PBX1: variants seen among roughly 807,000 people sequenced by gnomAD.
PBX1 encodes the protein pre-B-cell leukemia transcription factor 1.
A neutral mutation model predicts 53.4 loss-of-function variants in PBX1; 6 were observed. The observed-to-expected ratio is 0.11, with a 90% CI of 0.06 to 0.22. PBX1 has a LOEUF of 0.22. Ranked by LOEUF, PBX1 falls within the 10% of genes least tolerant of loss-of-function variation. PBX1 has a pLI of 1.00. For synonymous variants in PBX1, 204 were observed against 212.3 expected (o/e 0.96, Z 0.34); for missense variants, 251 against 551.4 (o/e 0.46, Z 5.46).
chr1:164,620,776 G>A (rs998948791), intron 2 of PBX1, among the ~76,000 whole-genome samples: 2 of 151,694 alleles, frequency 1.3e-5, no homozygotes, highest in African/African-American at 4.9e-5. Context: ...TCTGCCTCCC[G>A]GGCTTAAGCG....
chr1:164,575,365 A>G (rs1010103237), intron 2 of PBX1, among the ~76,000 whole-genome samples: 1 of 152,320 alleles, frequency 6.6e-6, no homozygotes, highest in East Asian at 1.9e-4. Context: ...AGTTTCCCTA[A>G]GAAAGTGTGG....
At chr1:164,698,446 TTGAG>T (rs1344752347) in intron 2 of PBX1, among the ~76,000 whole-genome samples, 7 of 152,154 alleles carry the variant, frequency 4.6e-5, no homozygotes, top group Admixed American at 3.9e-4. Context: ...TTTGACGGTG[TTGAG>T]TGAGAAATTT....
At chr1:164,737,548 A>G (rs1273093762) in intron 2 of PBX1, among the ~76,000 whole-genome samples, 1 of 150,884 alleles carries the variant, frequency 6.6e-6, no homozygotes, top group Non-Finnish European at 1.5e-5. Context: ...GCATGATCTC[A>G]GCTCACTGCA....
At chr1:164,611,533 C>T (rs1483440084) in intron 2 of PBX1, among the ~76,000 whole-genome samples, 1 of 152,146 alleles carries the variant, frequency 6.6e-6, no homozygotes, top group Non-Finnish European at 1.5e-5. Context: ...CCACCGCGCC[C>T]GGCCTTCTGT....
chr1:164,833,806 G>A (rs1179974437), intron 8 of PBX1, among the ~76,000 whole-genome samples: 1 of 151,398 alleles, frequency 6.6e-6, no homozygotes, highest in Admixed American at 6.6e-5. Flanking sequence ...TGGATTTTCT[G>A]CCTGCCTTGA....
chr1:164,563,218 ATGT>A lies in PBX1; in HGVS notation c.192-15_192-13del, dbSNP rs747572336. On this transcript the variant is annotated splice_polypyrimidine_tract_variant and intron_variant, in intron 1 of 8. Coordinates refer to ENST00000420696, the MANE Select transcript of PBX1 (RefSeq NM_002585.4). Reference sequence around the variant, plus strand: ...ATCTTGAGAGTCCACCTAAGCTATCATGTTGTTTCTTTCTTGCAGAAAACATGC... The same window carrying A: ...ATCTTGAGAGTCCACCTAAGCTATCATGTTTCTTTCTTGCAGAAAACATGC... The A allele has an allele frequency of 1.3e-5, 21 of 1,580,868 alleles. No homozygotes were observed. The highest frequency in any genetic ancestry group is 1.8e-5 in the Non-Finnish European group (21 of 1,151,824).
intron 2 of PBX1, among the ~76,000 whole-genome samples, chr1:164,714,276 A>G (rs989140035): frequency 6.6e-6 from 1 of 152,262 alleles, no homozygotes; most frequent in Non-Finnish European, 1.5e-5. Flanking sequence ...TCTTACATGT[A>G]TGATCTAGTT....
chr1:164,613,023 G>T (rs1657037192), intron 2 of PBX1, among the ~76,000 whole-genome samples: 1 of 151,936 alleles, frequency 6.6e-6, no homozygotes, highest in South Asian at 2.1e-4. Flanking sequence ...TGGCACCCAG[G>T]GATCACTGTA....
chr1:164,836,733 A>G (rs1329929514), intron 8 of PBX1, among the ~76,000 whole-genome samples: 1 of 152,180 alleles, frequency 6.6e-6, no homozygotes, highest in Non-Finnish European at 1.5e-5. Context: ...GCAAACACTA[A>G]ATGGCATTTG....
rs58454892 is a variant in PBX1, at chr1:164,773,859, C to T, written c.266-18635C>T. On this transcript the variant is annotated intron_variant, in intron 2 of 8. Coordinates refer to ENST00000420696, the MANE Select transcript of PBX1 (RefSeq NM_002585.4). ...AGAGATTTGACTGAAGAGAAGGAAGCGTGTTTGCAGTGTTAACGCAGTGGA... is the reference window on the plus strand; with the variant it reads ...AGAGATTTGACTGAAGAGAAGGAAGTGTGTTTGCAGTGTTAACGCAGTGGA... 3.8e-3 allele frequency among the ~76,000 whole-genome samples: 573 copies of T among 152,250 alleles called. 4 individuals carry two copies. The highest frequency in any genetic ancestry group is 0.013 in the African/African-American group (548 of 41,532).
intron 2 of PBX1, among the ~76,000 whole-genome samples, chr1:164,660,315 A>T (rs897208805): frequency 6.6e-6 from 1 of 152,188 alleles, no homozygotes; most frequent in Non-Finnish European, 1.5e-5. Context: ...TATGTGGGAC[A>T]TGCTGGGGCC....
At chr1:164,642,956 T>A (rs1318956762) in intron 2 of PBX1, 1 of 152,156 alleles carries the variant, frequency 6.6e-6, no homozygotes, top group African/African-American at 2.4e-5. Context: ...AACTGATTGA[T>A]GGATTATAAA....
chr1:164,598,634 G>A (rs1655935090), intron 2 of PBX1, among the ~76,000 whole-genome samples: 1 of 152,084 alleles, frequency 6.6e-6, no homozygotes, highest in Non-Finnish European at 1.5e-5. Context: ...AAACCTGATT[G>A]CATTTGATTT....
chr1:164,662,835 TA>T (rs143863262), intron 2 of PBX1, among the ~76,000 whole-genome samples: 88,097 of 143,566 alleles, frequency 0.61, 27,910 homozygotes, highest in Non-Finnish European at 0.71. Context: ...TGTGAACATT[TA>T]TTTTTTTTCT....
chr1:164,580,559 C>T (rs896386284), intron 2 of PBX1, among the ~76,000 whole-genome samples: 4 of 150,598 alleles, frequency 2.7e-5, no homozygotes, highest in African/African-American at 7.3e-5. Flanking sequence ...GGATTACAGG[C>T]GTTGAGCCAC....
chr1:164,588,696 GGAGA>G (rs911630018), intron 2 of PBX1, among the ~76,000 whole-genome samples: 5 of 151,230 alleles, frequency 3.3e-5, no homozygotes, highest in Admixed American at 6.6e-5. Flanking sequence ...AAAATAAGAG[GGAGA>G]GAGAGAGAGG....
At chr1:164,612,954 C>T (rs548614039) in intron 2 of PBX1, among the ~76,000 whole-genome samples, 1 of 152,272 alleles carries the variant, frequency 6.6e-6, no homozygotes, top group Non-Finnish European at 1.5e-5. Flanking sequence ...AGACCTACCT[C>T]CCAGGGTTAT....
chr1:164,817,509 G>A (rs1160617412), intron 6 of PBX1: 1 of 152,210 alleles, frequency 6.6e-6, no homozygotes, highest in Non-Finnish European at 1.5e-5. Flanking sequence ...TTGTACATGG[G>A]TGTACAGACA....
rs566822370 is a variant in PBX1, at chr1:164,689,148, T to C, written c.266-103346T>C. Among the ~76,000 whole-genome samples, 11 of 152,326 alleles carry C rather than the reference T, an allele frequency of 7.2e-5. No homozygotes were observed. The South Asian group carries it at 2.3e-3, about 32-fold the overall frequency. On this transcript the variant is annotated intron_variant, in intron 2 of 8. Transcript: ENST00000420696. Reference sequence around the variant, plus strand: ...CATTGCTGGGTACGCTGACAATACATTACGGCAAACACCTTCCCAAAGTGA... The same window carrying C: ...CATTGCTGGGTACGCTGACAATACACTACGGCAAACACCTTCCCAAAGTGA...
Sources: allele counts gnomAD v4.1 joint callset (sites outside exome capture counted in the v4.1 genomes callset), GRCh38; gene constraint gnomAD v4.1.1; transcripts MANE v1.5; gene names NCBI Gene and HGNC (gene_info 2026-07-23, HGNC 2026-07-21).